MAP3K3: variants seen among roughly 807,000 people sequenced by gnomAD.
The protein encoded by MAP3K3 is MAP/ERK kinase kinase 3.
A neutral mutation model predicts 80.9 loss-of-function variants in MAP3K3; 12 were observed. The observed-to-expected ratio is 0.15, with a 90% CI of 0.10 to 0.24. MAP3K3 has a LOEUF of 0.24. MAP3K3 is among the 10% of genes least tolerant of loss of function. The pLI, the probability that MAP3K3 is intolerant of heterozygous loss-of-function variation, is 1.00. For synonymous variants in MAP3K3, 272 were observed against 307.1 expected, an observed-to-expected ratio of 0.89 and a Z score of 1.19; for missense variants, 596 against 834.7, an observed-to-expected ratio of 0.71 and a Z score of 3.52.
intron 1 of MAP3K3, among the ~76,000 whole-genome samples, chr17:63,624,840 ATTC>A (rs2143109516): frequency 1.3e-5 from 2 of 152,322 alleles, no homozygotes; most frequent in Non-Finnish European, 2.9e-5. Context: ...CTAATATTGA[ATTC>A]TTCTTGACAC....
intron 5 of MAP3K3, among the ~76,000 whole-genome samples, chr17:63,661,136 T>A (rs1478906324): frequency 6.6e-6 from 1 of 152,136 alleles, no homozygotes; most frequent in African/African-American, 2.4e-5. Context: ...AACCTCCGCC[T>A]CCCAGATTCA....
intron 4 of MAP3K3, 44 bp downstream of exon 4, chr17:63,652,700 C>A: frequency 7.8e-7 from 1 of 1,283,750 alleles, no homozygotes; most frequent in Non-Finnish European, 1.1e-6. Context: ...GGGGCAGATG[C>A]CTACCTTTTT....
chr17:63,684,226 T>C (rs748699911), intron 7 of MAP3K3, among the ~76,000 whole-genome samples: 13 of 152,332 alleles, frequency 8.5e-5, no homozygotes, highest in Non-Finnish European at 1.6e-4. Flanking sequence ...CGTCATTTTT[T>C]ACAAGAGCGT....
intron 3 of MAP3K3, 55 bp downstream of exon 3, chr17:63,646,129 A>G (rs2143294230): frequency 6.7e-7 from 1 of 1,502,064 alleles, no homozygotes; most frequent in Non-Finnish European, 9.3e-7. Context: ...GTTCTCAGAT[A>G]GCATTGAGTT....
At chr17:63,668,645 G>A (rs1000437969) in intron 6 of MAP3K3, among the ~76,000 whole-genome samples, 5 of 152,146 alleles carry the variant, frequency 3.3e-5, no homozygotes, top group African/African-American at 1.2e-4. Context: ...ATGGAGGCAG[G>A]GGCTAAATAC....
At chr17:63,653,319 T>C (rs1247782849) in intron 4 of MAP3K3, among the ~76,000 whole-genome samples, 1 of 152,240 alleles carries the variant, frequency 6.6e-6, no homozygotes, top group African/African-American at 2.4e-5. Flanking sequence ...AGTGTATTTA[T>C]GCTGAGTAAA....
At position 63,646,011 on chromosome 17, in the gene MAP3K3, C is replaced by T. The variant is rs1568129290; in HGVS notation, c.127-23C>T. On this transcript the variant is annotated intron_variant, in intron 2 of 15. Transcript: ENST00000361733. ...GACACATTCCAGAGAATTCTCTAACCTGTCTATCATTCTTTTTGGCAGAGT... is the reference window on the plus strand; with the variant it reads ...GACACATTCCAGAGAATTCTCTAACTTGTCTATCATTCTTTTTGGCAGAGT... The T allele has an allele frequency of 1.9e-6, 3 of 1,609,850 alleles. No homozygotes were observed. In the South Asian group the frequency reaches 3.3e-5, roughly 18 times the overall value.
intron 1 of MAP3K3, 78 bp from the exon 2 acceptor site, chr17:63,632,603 A>G (rs1049645256): frequency 2.0e-6 from 3 of 1,531,484 alleles, no homozygotes; most frequent in Non-Finnish European, 2.7e-6. Flanking sequence ...CTCCCTGAGT[A>G]TTAGTTATAC....
chr17:63,647,241 G>T (rs1190254240), intron 3 of MAP3K3, among the ~76,000 whole-genome samples: 2 of 152,192 alleles, frequency 1.3e-5, no homozygotes, highest in Non-Finnish European at 2.9e-5. Context: ...GCTCCTATGT[G>T]AGTTCCAGGC....
chr17:63,693,891 G>A lies in MAP3K3; in HGVS notation c.*114G>A. The A allele has an allele frequency of 1.1e-6, 1 of 923,184 alleles. No individual in the cohort carries two copies. The highest frequency in any genetic ancestry group is 3.0e-5 in the Admixed American group (1 of 33,520). The allele number at this position is 923,184 out of a possible 1,614,324, so 57.2% of individuals were successfully genotyped here. A position where few individuals can be genotyped will look rare whatever the true frequency, so the allele number is the denominator to read the frequency against. ...CAAGGCTGTGGACCATGGAGTGGCA[G>A]CCCAGCCAGCGTCGGTCTGTGCCCC... On this transcript the variant is annotated 3_prime_UTR_variant, in exon 16 of 16. Transcript: ENST00000361733. The surrounding 1 kb of genome is among the most constrained non-coding windows in gnomAD (Gnocchi z 4.2).
chr17:63,690,342 A>T lies in MAP3K3; in HGVS notation c.1142A>T (p.Asp381Val). 1 of 1,614,186 alleles carries T rather than the reference A, an allele frequency of 6.2e-7. No individual in the cohort carries two copies. Among genetic ancestry groups the T allele is most frequent in the Non-Finnish European group, 8.5e-7 (1 of 1,180,018 alleles). ...GAFGRVYLCY[D>V]VDTGRELASK... ...TTCGGCAGGGTCTATTTGTGCTATG[A>T]CGTGGACACGGGACGTGAACTTGCT... Residue 381 changes from aspartate to valine, a missense_variant, in exon 12 of 16, where the codon GAC (aspartate) becomes GTC (valine). Asp to Val is a radical substitution (Grantham distance 152, BLOSUM62 -3). This residue lies in a region of MAP3K3 where 364 missense variants were observed against 588.9 expected (regional missense o/e 0.62). Transcript: ENST00000361733.
In MAP3K3 at chr17:63,691,323, G is replaced by A. The variant is rs1173491532; in HGVS notation, c.1344+90G>A. ...TGCAGGAGGGGGGTCACCTTGGATA[G>A]GAGTTTGAACACCTGAGGCTCCAGA... On this transcript the variant is annotated intron_variant, in intron 13 of 15. Transcript: ENST00000361733. This position sits in a 1 kb window ranked among gnomAD's most constrained non-coding sequence, Gnocchi z 4.8. 5 of 1,577,434 alleles carry A rather than the reference G, an allele frequency of 3.2e-6. No homozygotes were observed. The African/African-American group carries it at 6.7e-5, about 21-fold the overall frequency.
At chr17:63,679,564 C>T (rs1306820632) in intron 6 of MAP3K3, among the ~76,000 whole-genome samples, 1 of 152,142 alleles carries the variant, frequency 6.6e-6, no homozygotes, top group African/African-American at 2.4e-5. Flanking sequence ...CTCACTGCGG[C>T]CTCAACCTCC....
chr17:63,678,392 A>T (rs1480785422), intron 6 of MAP3K3, among the ~76,000 whole-genome samples: 2 of 152,246 alleles, frequency 1.3e-5, no homozygotes, highest in African/African-American at 4.8e-5. Flanking sequence ...GTTTGAGACC[A>T]TTGCAAAGGC....
chr17:63,681,731 G>T (rs1437948834), intron 6 of MAP3K3, 35 bp from the exon 7 acceptor site: 2 of 1,394,122 alleles, frequency 1.4e-6, no homozygotes, highest in East Asian at 2.7e-5. Context: ...CACACCCTGG[G>T]CTCTGTTGTT....
At chr17:63,641,510 G>A (rs951691896) in intron 2 of MAP3K3, among the ~76,000 whole-genome samples, 4 of 152,014 alleles carry the variant, frequency 2.6e-5, no homozygotes, top group African/African-American at 9.7e-5. Flanking sequence ...CAAAGTGCTG[G>A]GATTACAAGG....
intron 5 of MAP3K3, among the ~76,000 whole-genome samples, chr17:63,663,451 G>A (rs956396207): frequency 4.0e-5 from 6 of 151,398 alleles, no homozygotes; most frequent in South Asian, 2.1e-4. Flanking sequence ...GCAGTGAGCC[G>A]AGATTGTGCC....
rs772715893 is a variant in MAP3K3 at position 63,652,704 on chromosome 17, C to T, written c.267+48C>T. On this transcript the variant is annotated intron_variant, in intron 4 of 15. Coordinates refer to ENST00000361733, the MANE Select transcript of MAP3K3 (RefSeq NM_002401.5). Reference sequence around the variant, plus strand: ...CAGGGACAAGAGGGGCAGATGCCTACCTTTTTTCTCTCTGTTTACCAGAGC... The same window carrying T: ...CAGGGACAAGAGGGGCAGATGCCTATCTTTTTTCTCTCTGTTTACCAGAGC... 5 of 1,220,354 alleles carry T rather than the reference C, an allele frequency of 4.1e-6. No homozygotes were observed. The Admixed American group carries it at 8.8e-5, about 21-fold the overall frequency. 75.6% of individuals were successfully genotyped at this position (1,220,354 alleles called of 1,614,324 possible). A position where few individuals can be genotyped will look rare whatever the true frequency, so the allele number is the denominator to read the frequency against.
chr17:63,690,506 G>T (rs1303378071), intron 12 of MAP3K3, 94 bp downstream of exon 12: 8 of 1,363,838 alleles, frequency 5.9e-6, no homozygotes, highest in Non-Finnish European at 8.1e-6. Flanking sequence ...GCTGTAGGTT[G>T]CTTCCTCTGT....
Sources: gnomAD v4.1 joint callset for allele counts (sites outside exome capture counted in the v4.1 genomes callset) on GRCh38, gnomAD v4.1.1 for gene constraint, gnomAD v4.1.1 regional missense constraint, Gnocchi (gnomAD v3.1) non-coding constraint, MANE v1.5 for transcripts, NCBI Gene and HGNC (gene_info 2026-07-23, HGNC 2026-07-21) for gene names.